The following CDS1 variants were observed in gnomAD, a reference collection of about 807,000 sequenced individuals.
CDS1 encodes the protein phosphatidate cytidylyltransferase 1.
CDS1 carries 41 observed loss-of-function variants against 62.1 expected under a neutral mutation model. That is an observed-to-expected ratio of 0.66 (90% CI 0.51 to 0.86). The LOEUF is 0.86. CDS1 is among the 40% of genes least tolerant of loss of function. The pLI, the probability that CDS1 is intolerant of heterozygous loss-of-function variation, is 0.00. For synonymous variants in CDS1, 185 were observed against 192.6 expected, an observed-to-expected ratio of 0.96 and a Z score of 0.32; for missense variants, 470 against 550.1, an observed-to-expected ratio of 0.85 and a Z score of 1.46.
At chr4:84,640,444 T>C (rs1402755587) in intron 9 of CDS1, among the ~76,000 whole-genome samples, 1 of 152,050 alleles carries the variant, frequency 6.6e-6, no homozygotes, top group Non-Finnish European at 1.5e-5. Flanking sequence ...CTGGGTTGGC[T>C]AAGAACAATG....
Position 84,633,896 on chromosome 4 carries a change from C to G in CDS1, c.679C>G (p.Gln227Glu). Residue 227 changes from glutamine (Q) to glutamate (E), a missense_variant, in exon 7 of 13, where the codon CAG becomes GAG. Physicochemically the swap from Gln to Glu is conservative, Grantham distance 29. Transcript: ENST00000295887. ...THVTLLITVTQSHLVIQNLFE... is the reference protein window; with the variant it reads ...THVTLLITVTESHLVIQNLFE... ...TGTCACTTTACTGATAACTGTCACTCAGTCACACCTTGTCATCCAAAATCT... is the reference window on the plus strand; with the variant it reads ...TGTCACTTTACTGATAACTGTCACTGAGTCACACCTTGTCATCCAAAATCT... 6.2e-7 allele frequency: 1 copy of G among 1,602,874 alleles called. No individual in the cohort carries two copies. Among genetic ancestry groups the G allele is most frequent in the Non-Finnish European group, 8.5e-7 (1 of 1,173,978 alleles).
intron 3 of CDS1, among the ~76,000 whole-genome samples, chr4:84,610,054 C>T (rs1478615362): frequency 6.6e-6 from 1 of 151,780 alleles, no homozygotes; most frequent in Non-Finnish European, 1.5e-5. Flanking sequence ...ATAACATCAA[C>T]ATATGACTAT....
At chr4:84,617,080 A>G (rs1235685101) in intron 3 of CDS1, among the ~76,000 whole-genome samples, 1 of 152,220 alleles carries the variant, frequency 6.6e-6, no homozygotes, top group African/African-American at 2.4e-5. Flanking sequence ...TGTTCTAACT[A>G]TTTGTCCTGA....
intron 2 of CDS1, among the ~76,000 whole-genome samples, chr4:84,605,667 G>A (rs1723072402): frequency 6.6e-6 from 1 of 152,098 alleles, no homozygotes; most frequent in African/African-American, 2.4e-5. Context: ...TGTAGTCGAT[G>A]TTCTGTAAGA....
Position 84,624,269 on chromosome 4 carries a change from G to C in CDS1, c.580+4736G>C, listed in dbSNP as rs183037667. ...AGCCTGGGAGACAGAGCAAGACTCT[G>C]TCTCAAAAAAAAAAAAACAAACAAA... On this transcript the variant is annotated intron_variant, in intron 5 of 12. Coordinates refer to ENST00000295887, the MANE Select transcript of CDS1 (RefSeq NM_001263.4). Among the ~76,000 whole-genome samples, 503 of 127,866 alleles carry C rather than the reference G, an allele frequency of 3.9e-3. 9 individuals carry two copies. The East Asian group carries it at 0.062, about 16-fold the overall frequency. The allele number at this position is 127,866 out of a possible 152,430, so 83.9% of individuals were successfully genotyped here.
intron 2 of CDS1, among the ~76,000 whole-genome samples, chr4:84,607,453 T>G (rs550499984): frequency 1.6e-3 from 230 of 145,014 alleles, no homozygotes; most frequent in African/African-American, 5.6e-3. Flanking sequence ...CCCCTCAGTA[T>G]CGGGGACCAC....
At chr4:84,616,301 ACTTTT>A (rs1368852071) in intron 3 of CDS1, among the ~76,000 whole-genome samples, 1 of 152,192 alleles carries the variant, frequency 6.6e-6, no homozygotes, top group Non-Finnish European at 1.5e-5. Flanking sequence ...GGTTTGACGT[ACTTTT>A]CTTTATCATG....
At chr4:84,609,714 A>C (rs1002239783) in intron 3 of CDS1, among the ~76,000 whole-genome samples, 189 bp downstream of exon 3, 5 of 152,204 alleles carry the variant, frequency 3.3e-5, no homozygotes, top group Non-Finnish European at 7.3e-5. Context: ...CAAAATGACT[A>C]TTCAGTGTGT....
intron 1 of CDS1, among the ~76,000 whole-genome samples, chr4:84,586,536 G>T (rs1722427988): frequency 6.6e-6 from 1 of 152,134 alleles, no homozygotes; most frequent in Non-Finnish European, 1.5e-5. Flanking sequence ...CTGACAGGAG[G>T]CAGCGCTCGG....
At chr4:84,591,627 A>C (rs1443360080) in intron 1 of CDS1, among the ~76,000 whole-genome samples, 2 of 152,208 alleles carry the variant, frequency 1.3e-5, no homozygotes, top group African/African-American at 4.8e-5. Context: ...CTTATACTTA[A>C]TATCAATTTT....
intron 1 of CDS1, among the ~76,000 whole-genome samples, chr4:84,600,425 C>T (rs1372501678): frequency 6.6e-6 from 1 of 152,068 alleles, no homozygotes; most frequent in South Asian, 2.1e-4. Context: ...GAAATTTTTG[C>T]CTAACCAAGG....
At chr4:84,619,094 G>A (rs1210824346) in intron 4 of CDS1, among the ~76,000 whole-genome samples, 2 of 130,088 alleles carry the variant, frequency 1.5e-5, no homozygotes, top group Admixed American at 7.7e-5. Flanking sequence ...CACTGCTCCC[G>A]CCTCCCAAGG....
chr4:84,624,278 A>G, intron 5 of CDS1, among the ~76,000 whole-genome samples: 1 of 135,374 alleles, frequency 7.4e-6, no homozygotes, highest in East Asian at 2.1e-4. Flanking sequence ...TGTCTCAAAA[A>G]AAAAAAAACA....
intron 2 of CDS1, among the ~76,000 whole-genome samples, chr4:84,608,204 C>T (rs946269958): frequency 1.3e-5 from 2 of 152,198 alleles, no homozygotes; most frequent in Non-Finnish European, 2.9e-5. Flanking sequence ...GACGGAGTCT[C>T]GCTCAGTCGC....
chr4:84,596,989 A>T (rs1578019072), intron 1 of CDS1, among the ~76,000 whole-genome samples: 1 of 152,182 alleles, frequency 6.6e-6, no homozygotes, highest in East Asian at 1.9e-4. Context: ...GGAGAGTAAG[A>T]GGAGGCTGGG....
intron 2 of CDS1, among the ~76,000 whole-genome samples, chr4:84,608,967 A>G (rs903277699): frequency 7.9e-5 from 12 of 152,144 alleles, no homozygotes; most frequent in Middle Eastern, 3.4e-3. Context: ...TCATTAGGTC[A>G]GGAGATCGAG....
At chr4:84,586,430 C>A (rs111864578) in intron 1 of CDS1, among the ~76,000 whole-genome samples, 5,817 of 152,188 alleles carry the variant, frequency 0.038, 130 homozygotes, top group South Asian at 0.055. Context: ...ATCATCAGGC[C>A]TTAGATTCTC....
intron 12 of CDS1, among the ~76,000 whole-genome samples, chr4:84,647,903 C>G (rs1261942823): frequency 1.3e-5 from 2 of 152,172 alleles, no homozygotes; most frequent in African/African-American, 4.8e-5. Context: ...TCTATGCCAT[C>G]TCTATACATG....
intron 3 of CDS1, among the ~76,000 whole-genome samples, chr4:84,615,678 C>T (rs896751600): frequency 5.3e-5 from 8 of 152,134 alleles, no homozygotes; most frequent in African/African-American, 1.9e-4. Flanking sequence ...GAGACTGTAC[C>T]TCTCTGTGAA....
Sources: allele counts gnomAD v4.1 joint callset (sites outside exome capture counted in the v4.1 genomes callset), GRCh38; gene constraint gnomAD v4.1.1; transcripts MANE v1.5; gene names NCBI Gene and HGNC (gene_info 2026-07-23, HGNC 2026-07-21).